The following PRKD1 variants were observed in gnomAD, a reference collection of about 807,000 sequenced individuals.
PRKD1 encodes the protein serine/threonine-protein kinase D1.
In PRKD1, 63 loss-of-function variants were observed where a neutral mutation model predicts 95.9. That is an observed-to-expected ratio of 0.66 (90% CI 0.54 to 0.81). The LOEUF (loss-of-function observed/expected upper bound fraction) is 0.81, where lower values mean the gene tolerates loss of function less well. Among genes scored for constraint, PRKD1 ranks in the 30% least tolerant of loss-of-function variants. The pLI, the probability that PRKD1 is intolerant of heterozygous loss-of-function variation, is 0.00. For missense variants in PRKD1, 1,048 were observed against 1,165.3 expected, an observed-to-expected ratio of 0.90 and a Z score of 1.47; for synonymous variants, 425 against 423.1, an observed-to-expected ratio of 1.00 and a Z score of -0.05.
At chr14:29,682,362 A>G (rs184141680) in intron 2 of PRKD1, among the ~76,000 whole-genome samples, 257 of 152,324 alleles carry the variant, frequency 1.7e-3, no homozygotes, top group Admixed American at 4.2e-3. Context: ...TCAAAGATCA[A>G]AGACTTTATC....
At chr14:29,857,440 G>A (rs1892548126) in intron 1 of PRKD1, among the ~76,000 whole-genome samples, 1 of 152,190 alleles carries the variant, frequency 6.6e-6, no homozygotes, top group Non-Finnish European at 1.5e-5. Flanking sequence ...ACCTGGGCAG[G>A]AGACTGAAAG....
chr14:29,850,659 A>C (rs993728860), intron 1 of PRKD1, among the ~76,000 whole-genome samples: 1 of 152,134 alleles, frequency 6.6e-6, no homozygotes, highest in Admixed American at 6.6e-5. Flanking sequence ...TTCCCAAAGC[A>C]ATCTATAGAT....
chr14:29,609,910 G>A (rs1031464027), intron 13 of PRKD1, among the ~76,000 whole-genome samples: 2 of 151,802 alleles, frequency 1.3e-5, no homozygotes, highest in South Asian at 2.1e-4. Context: ...GTCATTCTTC[G>A]TTTCATACAT....
At chr14:29,858,628 AT>A (rs1034315833) in intron 1 of PRKD1, among the ~76,000 whole-genome samples, 6 of 149,908 alleles carry the variant, frequency 4.0e-5, no homozygotes, top group Admixed American at 2.0e-4. Context: ...TTCCCCTGGG[AT>A]TTTTTTTTTC....
chr14:29,663,649 CCCACAG>C, intron 4 of PRKD1, 44 bp downstream of exon 4: 1 of 1,588,496 alleles, frequency 6.3e-7, no homozygotes, highest in Middle Eastern at 1.7e-4. Context: ...ATCACATCAC[CCCACAG>C]ATTTCTCATG....
intron 2 of PRKD1, among the ~76,000 whole-genome samples, chr14:29,707,093 C>T (rs1885127243): frequency 6.6e-6 from 1 of 152,104 alleles, no homozygotes; most frequent in African/African-American, 2.4e-5. Flanking sequence ...GGGAGTAGAA[C>T]AGGAAGCCAT....
At chr14:29,707,625 G>C (rs1345401147) in intron 2 of PRKD1, among the ~76,000 whole-genome samples, 1 of 152,120 alleles carries the variant, frequency 6.6e-6, no homozygotes, top group African/African-American at 2.4e-5. Flanking sequence ...TCTCCTATCA[G>C]TTTCTTCCCT....
intron 2 of PRKD1, among the ~76,000 whole-genome samples, chr14:29,715,202 T>C (rs1187053012): frequency 6.6e-6 from 1 of 152,068 alleles, no homozygotes; most frequent in Non-Finnish European, 1.5e-5. Context: ...ACATTGAAGG[T>C]CATTTTAGTA....
chr14:29,738,230 A>G (rs1886817704), intron 1 of PRKD1, among the ~76,000 whole-genome samples: 1 of 152,216 alleles, frequency 6.6e-6, no homozygotes, highest in African/African-American at 2.4e-5. Flanking sequence ...CTGTGACCAC[A>G]TAGCTATGTG....
At chr14:29,898,411 G>C (rs556095154) in intron 1 of PRKD1, among the ~76,000 whole-genome samples, 1 of 152,104 alleles carries the variant, frequency 6.6e-6, no homozygotes, top group African/African-American at 2.4e-5. Flanking sequence ...GAAGGGTATA[G>C]TATTTTTTTC....
intron 2 of PRKD1, among the ~76,000 whole-genome samples, chr14:29,699,682 AT>A (rs1884728124): frequency 6.6e-6 from 1 of 152,122 alleles, no homozygotes; most frequent in Non-Finnish European, 1.5e-5. Context: ...TTCCCTTAAT[AT>A]TTTAGAGTTT....
At chr14:29,645,271 G>A (rs772712846) in intron 4 of PRKD1, among the ~76,000 whole-genome samples, 2 of 152,022 alleles carry the variant, frequency 1.3e-5, no homozygotes, top group Non-Finnish European at 2.9e-5. Context: ...CCTTAACCTT[G>A]ACCTACAGAA....
chr14:29,838,032 G>A (rs535164359), intron 1 of PRKD1, among the ~76,000 whole-genome samples: 50 of 152,218 alleles, frequency 3.3e-4, no homozygotes, highest in African/African-American at 1.1e-3. Flanking sequence ...AGCACAGCAC[G>A]AAACTGTACA....
At chr14:29,594,248 A>G (rs982391876) in intron 16 of PRKD1, 8 of 359,168 alleles carry the variant, frequency 2.2e-5, no homozygotes, top group Non-Finnish European at 4.4e-5. Context: ...ATTGTAACTT[A>G]TAACATTTTC....
chr14:29,843,832 TTAAGAG>T (rs898988278), intron 1 of PRKD1, among the ~76,000 whole-genome samples: 1 of 152,088 alleles, frequency 6.6e-6, no homozygotes, highest in African/African-American at 2.4e-5. Flanking sequence ...GTATGGGAGA[TTAAGAG>T]TAATAGTAAA....
intron 13 of PRKD1, among the ~76,000 whole-genome samples, chr14:29,608,836 T>C (rs984850728): frequency 1.3e-5 from 2 of 152,188 alleles, no homozygotes; most frequent in Non-Finnish European, 1.5e-5. Context: ...GGCAAAAAGT[T>C]TGCAATTAAA....
chr14:29,846,370 G>T (rs77451586), intron 1 of PRKD1, among the ~76,000 whole-genome samples: 18 of 152,302 alleles, frequency 1.2e-4, no homozygotes, highest in South Asian at 4.1e-4. Flanking sequence ...GTCTTCCTGA[G>T]GGGTGACGTT....
chr14:29,907,580 T>C (rs1894537529), intron 1 of PRKD1, among the ~76,000 whole-genome samples: 1 of 152,222 alleles, frequency 6.6e-6, no homozygotes, highest in Non-Finnish European at 1.5e-5. Flanking sequence ...TGAATAAAGA[T>C]AATCCTGAAA....
intron 16 of PRKD1, among the ~76,000 whole-genome samples, chr14:29,587,673 A>G (rs1361581386): frequency 1.3e-5 from 2 of 152,214 alleles, no homozygotes; most frequent in Admixed American, 6.6e-5. Flanking sequence ...CTAATGGGAC[A>G]TGCTTTGCAG....
Sources: gnomAD v4.1 joint callset for allele counts (sites outside exome capture counted in the v4.1 genomes callset) on GRCh38, gnomAD v4.1.1 for gene constraint, MANE v1.5 for transcripts, NCBI Gene and HGNC (gene_info 2026-07-23, HGNC 2026-07-21) for gene names.